The following UNC5C variants were observed in gnomAD, a reference collection of about 807,000 sequenced individuals.
UNC5C encodes netrin receptor UNC5C.
A neutral mutation model predicts 99.8 loss-of-function variants in UNC5C; 47 were observed. The observed-to-expected ratio is 0.47, with a 90% CI of 0.37 to 0.60. The LOEUF is 0.60. UNC5C is among the 20% of genes least tolerant of loss of function. The pLI is 0.00. For synonymous variants in UNC5C, 487 were observed against 452.2 expected (o/e 1.08, Z -0.98); for missense variants, 1,062 against 1,165.9 (o/e 0.91, Z 1.30).
intron 1 of UNC5C, among the ~76,000 whole-genome samples, chr4:95,365,798 T>C (rs1264578500): frequency 6.6e-6 from 1 of 152,180 alleles, no homozygotes; most frequent in Non-Finnish European, 1.5e-5. Context: ...TTGTCTGGGA[T>C]GACTGATGAT....
chr4:95,237,519 T>A (rs566004982), intron 7 of UNC5C, among the ~76,000 whole-genome samples: 1 of 152,320 alleles, frequency 6.6e-6, no homozygotes, highest in East Asian at 1.9e-4. Flanking sequence ...AATAGATTTC[T>A]AACATGTCTT....
intron 3 of UNC5C, among the ~76,000 whole-genome samples, chr4:95,298,083 C>T (rs558645441): frequency 1.7e-4 from 26 of 152,122 alleles, no homozygotes; most frequent in African/African-American, 3.9e-4. Context: ...CTGAAGTGGG[C>T]GAAATCGCTT....
intron 1 of UNC5C, among the ~76,000 whole-genome samples, chr4:95,351,714 G>A (rs1177660503): frequency 1.3e-5 from 2 of 151,898 alleles, no homozygotes; most frequent in African/African-American, 4.8e-5. Context: ...AAAAAAATAT[G>A]TATCTTCTAT....
chr4:95,198,481 G>A (rs1338408386), intron 12 of UNC5C, among the ~76,000 whole-genome samples: 1 of 152,164 alleles, frequency 6.6e-6, no homozygotes, highest in African/African-American at 2.4e-5. Context: ...TGATGTGAAT[G>A]CTACTAGAAT....
intron 1 of UNC5C, among the ~76,000 whole-genome samples, chr4:95,428,571 C>A (rs1468270151): frequency 6.6e-6 from 1 of 152,056 alleles, no homozygotes; most frequent in Non-Finnish European, 1.5e-5. Flanking sequence ...AATCCTTTCC[C>A]ATAAACAGTT....
chr4:95,352,974 A>G (rs1744042925), intron 1 of UNC5C, among the ~76,000 whole-genome samples: 1 of 152,104 alleles, frequency 6.6e-6, no homozygotes, highest in South Asian at 2.1e-4. Context: ...CATGGCCCAA[A>G]GCTTATTTAA....
At chr4:95,357,653 T>C (rs1744255926) in intron 1 of UNC5C, among the ~76,000 whole-genome samples, 1 of 151,626 alleles carries the variant, frequency 6.6e-6, no homozygotes, top group Admixed American at 6.6e-5. Flanking sequence ...ATAGCCAGGT[T>C]TGGTGGTGCA....
At chr4:95,503,246 C>T (rs911339475) in intron 1 of UNC5C, among the ~76,000 whole-genome samples, 2 of 151,800 alleles carry the variant, frequency 1.3e-5, no homozygotes, top group Admixed American at 1.3e-4. Context: ...TCCTTTCTCA[C>T]CCTCTCCCCT....
At chr4:95,183,949 A>G (rs2149351051) in intron 13 of UNC5C, among the ~76,000 whole-genome samples, 2 of 152,350 alleles carry the variant, frequency 1.3e-5, no homozygotes, top group South Asian at 4.1e-4. Flanking sequence ...AGCAGATGGT[A>G]AGCATTCGGC....
At chr4:95,497,162 T>G (rs2149483210) in intron 1 of UNC5C, among the ~76,000 whole-genome samples, 1 of 152,070 alleles carries the variant, frequency 6.6e-6, no homozygotes, top group Non-Finnish European at 1.5e-5. Context: ...GTCTATATAA[T>G]GACTTATTTT....
At chr4:95,534,078 C>T (rs746152388) in intron 1 of UNC5C, among the ~76,000 whole-genome samples, 23 of 152,122 alleles carry the variant, frequency 1.5e-4, no homozygotes, top group Non-Finnish European at 3.1e-4. Flanking sequence ...GAGTTTTAAA[C>T]GTGGAACGTT....
At chr4:95,245,197 A>T in intron 5 of UNC5C, 53 bp from the exon 6 acceptor site, 3 of 1,500,542 alleles carry the variant, frequency 2.0e-6, no homozygotes, top group Non-Finnish European at 2.7e-6. Context: ...CATGCACAAC[A>T]CACATGGACA....
rs779464749 is a variant in UNC5C at position 95,196,251 on chromosome 4, C to A, written c.2136+6480G>T. 7.9e-5 allele frequency among the ~76,000 whole-genome samples: 12 copies of A among 152,094 alleles called. No individual in the cohort carries two copies. The South Asian group carries it at 1.0e-3, about 13-fold the overall frequency. On this transcript the variant is annotated intron_variant, in intron 12 of 15. Coordinates refer to ENST00000453304, the MANE Select transcript of UNC5C (RefSeq NM_003728.4). ...AATAATGAAAGGAAAACACCTTTTT[C>A]ATTAATCACCTGAAGACGGGGGAAA...
At chr4:95,190,619 C>G (rs1009976027) in intron 12 of UNC5C, among the ~76,000 whole-genome samples, 6 of 152,146 alleles carry the variant, frequency 3.9e-5, no homozygotes, top group Non-Finnish European at 5.9e-5. Flanking sequence ...CGCCCAGCCC[C>G]CCTTGTACAG....
chr4:95,411,095 G>A (rs1449908031), intron 1 of UNC5C, among the ~76,000 whole-genome samples: 2 of 152,158 alleles, frequency 1.3e-5, no homozygotes, highest in Non-Finnish European at 2.9e-5. Flanking sequence ...TTTCTTATCT[G>A]TTATTGAAAA....
Position 95,309,650 on chromosome 4 carries a change from A to G in UNC5C, c.347-7901T>C, listed in dbSNP as rs560336495. 2.0e-5 allele frequency among the ~76,000 whole-genome samples: 3 copies of G among 152,320 alleles called. No individual in the cohort carries two copies. In the South Asian group the frequency reaches 6.2e-4, roughly 32 times the overall value. On this transcript the variant is annotated intron_variant, in intron 2 of 15. Coordinates refer to ENST00000453304, the MANE Select transcript of UNC5C (RefSeq NM_003728.4). ...CAAAAGACACGTTTCAAAAGAAGAC[A>G]TACAAATGGCCAAGGGTATATTAAA... is the stretch of plus-strand genomic sequence containing the variant.
chr4:95,521,217 CTTTTTTCT>C (rs1314059683), intron 1 of UNC5C, among the ~76,000 whole-genome samples: 10 of 45,102 alleles, frequency 2.2e-4, no homozygotes, highest in Non-Finnish European at 3.7e-4. Context: ...TTTCTTTTTT[CTTTTTTCT>C]TTTTTTTTTG....
chr4:95,540,302 T>A (rs1479033369), intron 1 of UNC5C, among the ~76,000 whole-genome samples: 1 of 152,204 alleles, frequency 6.6e-6, no homozygotes, highest in African/African-American at 2.4e-5. Context: ...AATATTATGA[T>A]GAAATACTGA....
intron 1 of UNC5C, among the ~76,000 whole-genome samples, chr4:95,532,075 G>C (rs1434365778): frequency 1.3e-5 from 2 of 152,162 alleles, no homozygotes; most frequent in East Asian, 3.8e-4. Context: ...AAACCAGTTA[G>C]AGCCCAACCG....
Sources: gnomAD v4.1 joint callset for allele counts (sites outside exome capture counted in the v4.1 genomes callset) on GRCh38, gnomAD v4.1.1 for gene constraint, MANE v1.5 for transcripts, NCBI Gene and HGNC (gene_info 2026-07-23, HGNC 2026-07-21) for gene names.